The following DENND1A variants were observed in gnomAD, a reference collection of about 807,000 sequenced individuals.
The protein encoded by DENND1A is DENN domain containing 1A.
DENND1A carries 51 observed loss-of-function variants against 113.7 expected under a neutral mutation model. The observed-to-expected ratio is 0.45, with a 90% CI of 0.36 to 0.57. The LOEUF (loss-of-function observed/expected upper bound fraction) is 0.57, where lower values mean the gene tolerates loss of function less well. Among genes scored for constraint, DENND1A ranks in the 20% least tolerant of loss-of-function variants. The pLI, the probability that DENND1A is intolerant of heterozygous loss-of-function variation, is 0.00. For missense variants in DENND1A, 1,258 were observed against 1,395.9 expected, an observed-to-expected ratio of 0.90 and a Z score of 1.57; for synonymous variants, 565 against 570.8, an observed-to-expected ratio of 0.99 and a Z score of 0.14.
At chr9:123,612,553 T>C (rs1455125036) in intron 10 of DENND1A, among the ~76,000 whole-genome samples, 1 of 152,246 alleles carries the variant, frequency 6.6e-6, no homozygotes, top group East Asian at 1.9e-4. Flanking sequence ...TCTCATTGGC[T>C]ACATGAACAT....
intron 2 of DENND1A, among the ~76,000 whole-genome samples, chr9:123,841,825 G>A (rs1164256611): frequency 6.6e-6 from 1 of 152,088 alleles, no homozygotes. Context: ...GAATATAGAG[G>A]GTGAGCAGGA....
chr9:123,669,384 A>C (rs999169558), intron 7 of DENND1A, among the ~76,000 whole-genome samples: 1 of 152,222 alleles, frequency 6.6e-6, no homozygotes, highest in Non-Finnish European at 1.5e-5. Flanking sequence ...AAAACCAAGT[A>C]GTCCCCAGGC....
At chr9:123,754,128 G>A (rs1272080140) in intron 5 of DENND1A, among the ~76,000 whole-genome samples, 2 of 152,136 alleles carry the variant, frequency 1.3e-5, no homozygotes, top group Non-Finnish European at 2.9e-5. Flanking sequence ...ACACTGTGAA[G>A]GGTGATTGGA....
At chr9:123,635,412 A>T (rs2061655145) in intron 9 of DENND1A, among the ~76,000 whole-genome samples, 1 of 152,270 alleles carries the variant, frequency 6.6e-6, no homozygotes. Flanking sequence ...TGGGACTCAC[A>T]TCCAGGTCTG....
At chr9:123,810,173 G>C (rs1836308733) in intron 2 of DENND1A, among the ~76,000 whole-genome samples, 1 of 152,106 alleles carries the variant, frequency 6.6e-6, no homozygotes, top group South Asian at 2.1e-4. Flanking sequence ...TATCTTAAAA[G>C]ATCTCTCCTC....
At chr9:123,488,825 G>A (rs1479018245) in intron 13 of DENND1A, among the ~76,000 whole-genome samples, 1 of 152,214 alleles carries the variant, frequency 6.6e-6, no homozygotes, top group East Asian at 1.9e-4. Context: ...CTTGAAAACA[G>A]GCACCTTTGC....
intron 3 of DENND1A, among the ~76,000 whole-genome samples, chr9:123,780,808 G>T (rs766441752): frequency 7.2e-5 from 11 of 152,038 alleles, no homozygotes; most frequent in Admixed American, 1.3e-4. Context: ...TTCTTGGGGC[G>T]GCTGTGGGTG....
chr9:123,680,631 T>G (rs2064383355), intron 5 of DENND1A, among the ~76,000 whole-genome samples: 1 of 152,202 alleles, frequency 6.6e-6, no homozygotes, highest in African/African-American at 2.4e-5. Flanking sequence ...GGACTGCCTT[T>G]TCTAATCTCA....
chr9:123,440,765 G>A (rs2046871077), intron 18 of DENND1A, among the ~76,000 whole-genome samples: 1 of 152,156 alleles, frequency 6.6e-6, no homozygotes, highest in African/African-American at 2.4e-5. Flanking sequence ...CTCTTACACA[G>A]CCATTTTCAT....
At chr9:123,732,510 G>C (rs756842258) in intron 5 of DENND1A, among the ~76,000 whole-genome samples, 16 of 152,262 alleles carry the variant, frequency 1.1e-4, no homozygotes, top group South Asian at 2.1e-4. Context: ...GGAGAAGAGG[G>C]GTTAAGAGTA....
chr9:123,786,056 C>T (rs10986104), intron 3 of DENND1A, among the ~76,000 whole-genome samples: 22,519 of 151,760 alleles, frequency 0.15, 2,852 homozygotes, highest in African/African-American at 0.34. Context: ...CTACTAAAAA[C>T]ACAAAAATTA....
intron 1 of DENND1A, among the ~76,000 whole-genome samples, chr9:123,896,658 A>G (rs1850803811): frequency 6.6e-6 from 1 of 152,194 alleles, no homozygotes; most frequent in Non-Finnish European, 1.5e-5. Flanking sequence ...AAAAATGAGT[A>G]AACAGTAAGA....
chr9:123,548,292 C>T (rs1009435964), intron 13 of DENND1A, among the ~76,000 whole-genome samples: 4 of 152,240 alleles, frequency 2.6e-5, no homozygotes, highest in African/African-American at 9.6e-5. Flanking sequence ...GCCCCTTCTG[C>T]AGTCCCCTTT....
At chr9:123,541,022 A>G (rs1045122921) in intron 13 of DENND1A, among the ~76,000 whole-genome samples, 3 of 152,204 alleles carry the variant, frequency 2.0e-5, no homozygotes, top group African/African-American at 7.2e-5. Flanking sequence ...CTTTTTCTGC[A>G]TAACACTTAT....
At chr9:123,725,210 T>G (rs778316254) in intron 5 of DENND1A, among the ~76,000 whole-genome samples, 1 of 152,214 alleles carries the variant, frequency 6.6e-6, no homozygotes, top group Non-Finnish European at 1.5e-5. Flanking sequence ...CTCATTATAT[T>G]TTTCTCAAAA....
At chr9:123,923,153 A>G (rs982270459) in intron 1 of DENND1A, among the ~76,000 whole-genome samples, 9 of 152,214 alleles carry the variant, frequency 5.9e-5, no homozygotes, top group South Asian at 2.1e-4. Flanking sequence ...TAATAACTCA[A>G]TGCAAACATA....
chr9:123,878,328 G>C (rs1293451444), intron 2 of DENND1A, among the ~76,000 whole-genome samples: 1 of 151,330 alleles, frequency 6.6e-6, no homozygotes, highest in East Asian at 1.9e-4. Flanking sequence ...AGATCATAAG[G>C]TTATTTTTCT....
chr9:123,821,340 A>T (rs1838431394), intron 2 of DENND1A, among the ~76,000 whole-genome samples: 1 of 152,152 alleles, frequency 6.6e-6, no homozygotes. Context: ...TATTTTCTAA[A>T]TTTTCCAAAA....
At chr9:123,669,138 A>G (rs2063635186) in intron 7 of DENND1A, among the ~76,000 whole-genome samples, 1 of 152,170 alleles carries the variant, frequency 6.6e-6, no homozygotes, top group African/African-American at 2.4e-5. Context: ...TCATATTACT[A>G]TTTTTACCAT....
Sources: allele counts gnomAD v4.1 joint callset (sites outside exome capture counted in the v4.1 genomes callset), GRCh38; gene constraint gnomAD v4.1.1; transcripts MANE v1.5; gene names NCBI Gene and HGNC (gene_info 2026-07-23, HGNC 2026-07-21).